Variants in SYNE2 observed in about 807,000 individuals in gnomAD.
SYNE2 encodes spectrin repeat containing nuclear envelope protein 2, also known as nesprin-2.
In SYNE2, 431 loss-of-function variants were observed where a neutral mutation model predicts 856.3. That is an observed-to-expected ratio of 0.50 (90% CI 0.47 to 0.55). The LOEUF is 0.55. Among genes scored for constraint, SYNE2 ranks in the 20% least tolerant of loss-of-function variants. SYNE2 has a pLI of 0.00. For synonymous variants in SYNE2, 2,923 were observed against 2,872.3 expected (o/e 1.02, Z -0.56); for missense variants, 8,129 against 8,023.2 (o/e 1.01, Z -0.50).
chr14:63,984,071 G>A (rs1379830307), intron 18 of SYNE2, among the ~76,000 whole-genome samples, 185 bp downstream of exon 18: 1 of 152,098 alleles, frequency 6.6e-6, no homozygotes, highest in Non-Finnish European at 1.5e-5. Flanking sequence ...GCAAAACCCT[G>A]TCTATACCAA....
At chr14:64,019,326 C>G (rs1187756165) in intron 34 of SYNE2, among the ~76,000 whole-genome samples, 2 of 151,804 alleles carry the variant, frequency 1.3e-5, no homozygotes, top group African/African-American at 4.8e-5. Context: ...CCAACTGTTG[C>G]CAGTTATATG....
chr14:63,931,272 C>T (rs1485679330), intron 2 of SYNE2, among the ~76,000 whole-genome samples: 1 of 152,032 alleles, frequency 6.6e-6, no homozygotes. Context: ...TAAGGATTGG[C>T]CAGGCGCAGT....
intron 89 of SYNE2, among the ~76,000 whole-genome samples, chr14:64,163,874 A>G (rs1192814118): frequency 6.6e-6 from 1 of 152,186 alleles, no homozygotes; most frequent in Non-Finnish European, 1.5e-5. Flanking sequence ...GAGCCATAGA[A>G]GTAGCTGCTT....
At chr14:64,193,490 C>T (rs967541559) in intron 99 of SYNE2, among the ~76,000 whole-genome samples, 1 of 151,878 alleles carries the variant, frequency 6.6e-6, no homozygotes, top group African/African-American at 2.4e-5. Flanking sequence ...GTGGAGGTTG[C>T]AATGAGCCTT....
At chr14:63,942,653 G>A (rs991112058) in intron 6 of SYNE2, among the ~76,000 whole-genome samples, 25 of 151,970 alleles carry the variant, frequency 1.6e-4, no homozygotes, top group Admixed American at 1.4e-3. Flanking sequence ...GCACCATCAC[G>A]CCCAGCCAAT....
At chr14:64,080,787 G>A in intron 56 of SYNE2, 149 bp downstream of exon 56, 1 of 962,800 alleles carries the variant, frequency 1.0e-6, no homozygotes, top group South Asian at 1.4e-5. Context: ...TGTGGGTGCT[G>A]AGGAGACAGA....
At chr14:64,005,610 A>G (rs1167255392) in intron 30 of SYNE2, among the ~76,000 whole-genome samples, 2 of 152,210 alleles carry the variant, frequency 1.3e-5, no homozygotes, top group East Asian at 1.9e-4. Flanking sequence ...GATGAAATGT[A>G]TCAGTATTGA....
At chr14:64,200,197 C>G (rs1003024794) in intron 99 of SYNE2, among the ~76,000 whole-genome samples, 16 of 152,154 alleles carry the variant, frequency 1.1e-4, no homozygotes, top group Admixed American at 9.8e-4. Flanking sequence ...GATTCTAGCC[C>G]TCTTCTTTTC....
chr14:64,064,282 G>A (rs181767050), intron 50 of SYNE2, among the ~76,000 whole-genome samples: 36 of 152,300 alleles, frequency 2.4e-4, no homozygotes, highest in Admixed American at 2.4e-3. Context: ...CGTAGGTGGG[G>A]AACATATACA....
At chr14:63,807,643 A>T (rs532146016) in intron 1 of SYNE2, among the ~76,000 whole-genome samples, 1 of 146,100 alleles carries the variant, frequency 6.8e-6, no homozygotes, top group East Asian at 2.0e-4. Flanking sequence ...TGCTCTTGGT[A>T]AGTGATCATG....
chr14:64,209,239 G>A, intron 101 of SYNE2, 189 bp from the exon 102 acceptor site: 1 of 994,738 alleles, frequency 1.0e-6, no homozygotes, highest in Non-Finnish European at 1.5e-6. Context: ...CCTCTGTGAA[G>A]CAGGAGCTCT....
At chr14:64,020,235 A>G (rs1443082716) in intron 35 of SYNE2, 142 bp downstream of exon 35, 23 of 653,388 alleles carry the variant, frequency 3.5e-5, no homozygotes, top group South Asian at 1.8e-5. Context: ...TCTCTATAAC[A>G]GGGGTGTCCT....
chr14:63,772,326 C>T, intron 1 of SYNE2, among the ~76,000 whole-genome samples: 1 of 152,148 alleles, frequency 6.6e-6, no homozygotes, highest in East Asian at 1.9e-4. Flanking sequence ...TGTACTCCAG[C>T]CTGGGCGGCA....
rs373646325 is a variant in SYNE2 at position 64,065,611 on chromosome 14, C to G, written c.10392C>G (p.Cys3464Trp). Residue 3464 changes from cysteine (C) to tryptophan (W), a missense_variant, in exon 51 of 116, where the codon TGC becomes TGG. Around this residue, in one of 3 missense-constraint regions of SYNE2, gnomAD observed 5,410 missense variants for 5,284.8 expected, o/e 1.02. Transcript: ENST00000555002. ...CTGCTAAAGAGTGGGAGATGTGGTGCGAAGAACTGAAGCAGGAATGGAAAT... is the reference window on the plus strand; with the variant it reads ...CTGCTAAAGAGTGGGAGATGTGGTGGGAAGAACTGAAGCAGGAATGGAAAT... ...LEAAKEWEMW[C>W]EELKQEWKFV... 6.2e-7 allele frequency: 1 copy of G among 1,614,030 alleles called. No homozygotes were observed. Among genetic ancestry groups the G allele is most frequent in the East Asian group, 2.2e-5 (1 of 44,878 alleles).
At chr14:63,970,311 C>T (rs2096457361) in intron 11 of SYNE2, among the ~76,000 whole-genome samples, 1 of 152,154 alleles carries the variant, frequency 6.6e-6, no homozygotes, top group African/African-American at 2.4e-5. Context: ...GTCTCAGCCT[C>T]CCAAGTAGCT....
chr14:63,897,453 A>G (rs761093474), intron 1 of SYNE2, among the ~76,000 whole-genome samples: 7 of 152,104 alleles, frequency 4.6e-5, no homozygotes, highest in Non-Finnish European at 8.8e-5. Flanking sequence ...TTCTCTGCTG[A>G]CAGTATTAGA....
chr14:64,166,038 A>G (rs1306781342), intron 90 of SYNE2, among the ~76,000 whole-genome samples: 1 of 152,200 alleles, frequency 6.6e-6, no homozygotes, highest in East Asian at 1.9e-4. Context: ...AAAAAATTCT[A>G]TTATGCATTT....
intron 46 of SYNE2, 197 bp from the exon 47 acceptor site, chr14:64,049,414 C>T (rs891147056): frequency 5.3e-6 from 1 of 187,278 alleles, no homozygotes; most frequent in South Asian, 1.9e-4. Context: ...ACCCTGCACT[C>T]CAGCCTGGGT....
chr14:63,980,324 G>T (rs1325353300), intron 14 of SYNE2, among the ~76,000 whole-genome samples: 4 of 152,174 alleles, frequency 2.6e-5, no homozygotes, highest in African/African-American at 9.7e-5. Flanking sequence ...ACACAATTAT[G>T]TAATATTAAG....
Sources: allele counts gnomAD v4.1 joint callset (sites outside exome capture counted in the v4.1 genomes callset), GRCh38; gene constraint gnomAD v4.1.1; regional missense constraint gnomAD v4.1.1; transcripts MANE v1.5; gene names NCBI Gene and HGNC (gene_info 2026-07-23, HGNC 2026-07-21).